Variants in SRGAP1 observed in about 807,000 individuals in gnomAD.
The protein encoded by SRGAP1 is SLIT-ROBO Rho GTPase-activating protein 1.
Under a neutral mutation model 121.9 loss-of-function variants are expected in SRGAP1, and 43 were observed. The ratio of observed to expected loss-of-function variants is 0.35; its 90% CI spans 0.28 to 0.46. The LOEUF (loss-of-function observed/expected upper bound fraction) is 0.46, where lower values mean the gene tolerates loss of function less well. SRGAP1 is among the 20% of genes least tolerant of loss of function. SRGAP1 has a pLI of 1.00. For missense variants in SRGAP1, 1,102 were observed against 1,350.9 expected, an observed-to-expected ratio of 0.82 and a Z score of 2.89; for synonymous variants, 447 against 485.4, an observed-to-expected ratio of 0.92 and a Z score of 1.04.
chr12:63,968,798 C>T (rs1245645399), intron 1 of SRGAP1, among the ~76,000 whole-genome samples: 1 of 152,228 alleles, frequency 6.6e-6, no homozygotes, highest in African/African-American at 2.4e-5. Flanking sequence ...CAGGAGAGCC[C>T]TAGTCTAGGA....
Position 63,931,978 on chromosome 12 carries a change from C to T in SRGAP1, c.68-51969C>T, listed in dbSNP as rs143762755. On this transcript the variant is annotated intron_variant, in intron 1 of 21. Coordinates refer to ENST00000355086, the MANE Select transcript of SRGAP1 (RefSeq NM_020762.4). Reference sequence around the variant, plus strand: ...GAAGGACAGATTGTTGAATGCCTTGCATGTTGTCAGTCCAAAGAGTTTGGA... The same window carrying T: ...GAAGGACAGATTGTTGAATGCCTTGTATGTTGTCAGTCCAAAGAGTTTGGA... 5.2e-3 allele frequency among the ~76,000 whole-genome samples: 792 copies of T among 152,288 alleles called. 7 individuals carry two copies. Among genetic ancestry groups the T allele is most frequent in the African/African-American group, 0.018 (742 of 41,570 alleles).
chr12:63,962,525 G>C (rs778274509), intron 1 of SRGAP1, among the ~76,000 whole-genome samples: 1 of 151,780 alleles, frequency 6.6e-6, no homozygotes, highest in Non-Finnish European at 1.5e-5. Context: ...CTCCTGCCTC[G>C]GCCTCCTGAG....
At chr12:64,075,945 G>A (rs1405660937) in intron 8 of SRGAP1, among the ~76,000 whole-genome samples, 1 of 150,438 alleles carries the variant, frequency 6.6e-6, no homozygotes, top group African/African-American at 2.4e-5. Flanking sequence ...TAATTGAAAA[G>A]ATTTCCACTT....
At chr12:64,086,817 T>C (rs1246501958) in intron 10 of SRGAP1, among the ~76,000 whole-genome samples, 182 bp from the exon 11 acceptor site, 14 of 152,116 alleles carry the variant, frequency 9.2e-5, no homozygotes, top group African/African-American at 3.1e-4. Context: ...ATAGATTTTA[T>C]GAAATGTTTA....
intron 1 of SRGAP1, among the ~76,000 whole-genome samples, chr12:63,905,957 C>G (rs966262966): frequency 3.3e-5 from 5 of 152,180 alleles, no homozygotes; most frequent in Admixed American, 2.0e-4. Flanking sequence ...TAAATTGATA[C>G]AGTTGTGCAG....
intron 3 of SRGAP1, among the ~76,000 whole-genome samples, chr12:64,001,816 A>G (rs1379700986): frequency 6.6e-6 from 1 of 152,226 alleles, no homozygotes; most frequent in Non-Finnish European, 1.5e-5. Context: ...AAGTTAAATG[A>G]TACACTAGGT....
chr12:64,094,824 C>T, intron 12 of SRGAP1, 108 bp from the exon 13 acceptor site: 3 of 1,092,378 alleles, frequency 2.7e-6, no homozygotes, highest in Non-Finnish European at 4.1e-6. Context: ...TGGTTTGCTC[C>T]AGAACTGCAA....
chr12:63,900,208 T>C (rs1468458762), intron 1 of SRGAP1, among the ~76,000 whole-genome samples: 11 of 138,030 alleles, frequency 8.0e-5, no homozygotes, highest in African/African-American at 2.2e-4. Flanking sequence ...CTTTTTCTTT[T>C]TTTTTTTTTT....
chr12:64,013,482 G>A (rs1009851496), intron 3 of SRGAP1, among the ~76,000 whole-genome samples: 7 of 152,150 alleles, frequency 4.6e-5, no homozygotes, highest in African/African-American at 1.4e-4. Flanking sequence ...TAATTTCTAC[G>A]TTATTTACCT....
intron 1 of SRGAP1, among the ~76,000 whole-genome samples, chr12:63,861,071 T>G (rs892287372): frequency 6.6e-6 from 1 of 151,622 alleles, no homozygotes. Context: ...TCAGTTATTA[T>G]TTTTAAAGTT....
chr12:63,900,204 C>T (rs138232620), intron 1 of SRGAP1, among the ~76,000 whole-genome samples: 11,664 of 87,486 alleles, frequency 0.13, 536 homozygotes, highest in East Asian at 0.28. Context: ...TTTTCTTTTT[C>T]TTTTTTTTTT....
intron 1 of SRGAP1, among the ~76,000 whole-genome samples, chr12:63,916,039 T>TC (rs2030760723): frequency 6.8e-6 from 1 of 146,790 alleles, no homozygotes; most frequent in South Asian, 2.2e-4. Flanking sequence ...TTTCTTTTTT[T>TC]TTTTTTTTTT....
intron 3 of SRGAP1, among the ~76,000 whole-genome samples, chr12:64,003,070 G>C (rs1334689139): frequency 6.8e-6 from 1 of 147,592 alleles, no homozygotes; most frequent in Non-Finnish European, 1.5e-5. Flanking sequence ...AAGAAAGGGA[G>C]GGAGGGAGGA....
chr12:64,063,657 C>A (rs200984556), intron 7 of SRGAP1, among the ~76,000 whole-genome samples: 7 of 150,902 alleles, frequency 4.6e-5, no homozygotes, highest in African/African-American at 1.5e-4. Flanking sequence ...GTTATTTTAC[C>A]AAAAAAAATG....
intron 1 of SRGAP1, among the ~76,000 whole-genome samples, chr12:63,858,378 G>C (rs1273606308): frequency 2.0e-5 from 3 of 151,746 alleles, no homozygotes; most frequent in Non-Finnish European, 4.4e-5. Context: ...TGCCCAGGCT[G>C]GTCTTGAATT....
rs550452915 is a variant in SRGAP1, at chr12:64,049,689, A to G, written c.801+6114A>G. Reference sequence around the variant, plus strand: ...TTGAAAACGAGTTCACTGTAGATGTATGGATTCATTTCTGGGTTCTCTATT... The same window carrying G: ...TTGAAAACGAGTTCACTGTAGATGTGTGGATTCATTTCTGGGTTCTCTATT... On this transcript the variant is annotated intron_variant, in intron 6 of 21. Coordinates refer to ENST00000355086, the MANE Select transcript of SRGAP1 (RefSeq NM_020762.4). Among the ~76,000 whole-genome samples the G allele has an allele frequency of 7.2e-5, 11 of 152,304 alleles. No homozygotes were observed. In the East Asian group the frequency reaches 1.5e-3, roughly 21 times the overall value.
At chr12:64,040,252 G>A (rs569798058) in intron 4 of SRGAP1, among the ~76,000 whole-genome samples, 27 of 152,170 alleles carry the variant, frequency 1.8e-4, no homozygotes, top group African/African-American at 6.3e-4. Flanking sequence ...GATGCTTCCA[G>A]GTCTCAAACT....
intron 1 of SRGAP1, among the ~76,000 whole-genome samples, chr12:63,864,900 C>A (rs1899571771): frequency 6.6e-6 from 1 of 151,908 alleles, no homozygotes. Flanking sequence ...AAAAAAAATT[C>A]CACTCATATA....
chr12:64,067,357 G>T (rs927975157), intron 8 of SRGAP1, among the ~76,000 whole-genome samples: 2 of 152,176 alleles, frequency 1.3e-5, no homozygotes, highest in East Asian at 3.9e-4. Context: ...CTGCACTGAG[G>T]TGAGATGGTG....
Sources: gnomAD v4.1 joint callset for allele counts (sites outside exome capture counted in the v4.1 genomes callset) on GRCh38, gnomAD v4.1.1 for gene constraint, MANE v1.5 for transcripts, NCBI Gene and HGNC (gene_info 2026-07-23, HGNC 2026-07-21) for gene names.